UBE3A: variants seen among roughly 807,000 people sequenced by gnomAD.
UBE3A encodes the protein ubiquitin-protein ligase E3A.
In UBE3A, 6 loss-of-function variants were observed where a neutral mutation model predicts 83.4. That is an observed-to-expected ratio of 0.07 (90% CI 0.04 to 0.14). The LOEUF is 0.14. Ranked by LOEUF, UBE3A falls within the 10% of genes least tolerant of loss-of-function variation. UBE3A has a pLI of 1.00. For synonymous variants in UBE3A, 337 were observed against 355.4 expected (o/e 0.95, Z 0.58); for missense variants, 456 against 1,036.1 (o/e 0.44, Z 7.69).
At chr15:25,400,157 C>G (rs957571646) in intron 4 of UBE3A, among the ~76,000 whole-genome samples, 3 of 152,270 alleles carry the variant, frequency 2.0e-5, no homozygotes, top group African/African-American at 7.2e-5. Flanking sequence ...CACAAGATAA[C>G]TTTCCATTAT....
intron 3 of UBE3A, 97 bp from the exon 4 acceptor site, chr15:25,405,599 T>C (rs1333075518): frequency 1.5e-6 from 2 of 1,294,064 alleles, no homozygotes; most frequent in Middle Eastern, 2.1e-4. Context: ...TAAACAAGAT[T>C]TAAGCACTAA....
chr15:25,437,006 C>G (rs913627350), intron 1 of UBE3A, among the ~76,000 whole-genome samples: 1 of 152,120 alleles, frequency 6.6e-6, no homozygotes, highest in Non-Finnish European at 1.5e-5. Flanking sequence ...TCTTCATATT[C>G]TGTTCTTTTA....
In UBE3A at chr15:25,408,752, C is replaced by T. The variant is rs533504024; in HGVS notation, c.20+336G>A. 1.5e-4 allele frequency: 195 copies of T among 1,301,722 alleles called. 1 individual carries two copies. The South Asian group carries it at 1.9e-3, about 13-fold the overall frequency. 80.6% of individuals were successfully genotyped at this position (1,301,722 alleles called of 1,614,324 possible). On this transcript the variant is annotated intron_variant, in intron 3 of 12. Coordinates refer to ENST00000648336, the MANE Select transcript of UBE3A (RefSeq NM_130839.5). ...CTTCTAGAGAAATGTTTAGTTAAAA[C>T]GTTCACCACATAAAAGGCATACTTT...
At chr15:25,366,586 G>T (rs1005513836) in intron 6 of UBE3A, among the ~76,000 whole-genome samples, 60 of 152,202 alleles carry the variant, frequency 3.9e-4, no homozygotes, top group African/African-American at 1.4e-3. Context: ...TTGGTTTTTA[G>T]ATATTTATGT....
intron 4 of UBE3A, 128 bp downstream of exon 4, chr15:25,405,333 A>G (rs1000522980): frequency 2.8e-6 from 3 of 1,077,068 alleles, no homozygotes; most frequent in Non-Finnish European, 4.3e-6. Context: ...GTATGTTCCT[A>G]TCTCCCATTT....
At chr15:25,343,987 G>A (rs2075283957) in intron 11 of UBE3A, among the ~76,000 whole-genome samples, 1 of 152,190 alleles carries the variant, frequency 6.6e-6, no homozygotes, top group Non-Finnish European at 1.5e-5. Flanking sequence ...TAAGAAAAGA[G>A]ATACTGTTGT....
chr15:25,339,977 A>G (rs1460598287), intron 12 of UBE3A, 108 bp downstream of exon 12: 3 of 1,407,514 alleles, frequency 2.1e-6, no homozygotes, highest in Non-Finnish European at 3.0e-6. Context: ...GGGGATTTGT[A>G]TATAAAATCA....
At chr15:25,427,678 C>G (rs986116211) in intron 1 of UBE3A, among the ~76,000 whole-genome samples, 27 of 143,638 alleles carry the variant, frequency 1.9e-4, no homozygotes, top group African/African-American at 7.0e-4. Flanking sequence ...GCAGTCCCAG[C>G]TACTTGGGAG....
chr15:25,383,641 A>G (rs2082585651), intron 4 of UBE3A, among the ~76,000 whole-genome samples: 1 of 152,194 alleles, frequency 6.6e-6, no homozygotes, highest in Non-Finnish European at 1.5e-5. Flanking sequence ...TTCTGTCTCA[A>G]AAAAACAAAA....
At chr15:25,348,775 A>AAAAC (rs2076085308) in intron 11 of UBE3A, among the ~76,000 whole-genome samples, 1 of 152,206 alleles carries the variant, frequency 6.6e-6, no homozygotes, top group African/African-American at 2.4e-5. Context: ...TTCAACATTA[A>AAAAC]AAACTATAAA....
At chr15:25,354,011 A>G in intron 11 of UBE3A, 1 of 344,124 alleles carries the variant, frequency 2.9e-6, no homozygotes, top group South Asian at 3.3e-5. Context: ...TCACAAATGC[A>G]GAGTTCAAAA....
Position 25,375,543 on chromosome 15 carries a change from C to G in UBE3A, c.283G>C (p.Glu95Gln). 1 of 1,614,146 alleles carries G rather than the reference C, an allele frequency of 6.2e-7. No homozygotes were observed. Among genetic ancestry groups the G allele is most frequent in the Non-Finnish European group, 8.5e-7 (1 of 1,180,028 alleles). The change falls in exon 5 of 13, where the codon GAG (glutamate) becomes CAG (glutamine). Residue 95 changes from glutamate to glutamine, a missense_variant. By Grantham distance (29) the Glu-to-Gln change is conservative. Coordinates refer to ENST00000648336, the MANE Select transcript of UBE3A (RefSeq NM_130839.5). ...TTGTTGGGGGCACCTTTCGAGTTCT[C>G]AAGGTAAGCTGAGCTTGCTCCTTTC... ...SKKGASSAYLENSKGAPNNSC... is the reference protein window; with the variant it reads ...SKKGASSAYLQNSKGAPNNSC...
At chr15:25,353,019 T>C (rs2076729166) in intron 11 of UBE3A, among the ~76,000 whole-genome samples, 1 of 152,240 alleles carries the variant, frequency 6.6e-6, no homozygotes, top group Admixed American at 6.5e-5. Context: ...GTTCAACTAT[T>C]CTCAGAGATG....
intron 1 of UBE3A, among the ~76,000 whole-genome samples, chr15:25,427,935 G>C (rs1891878808): frequency 6.6e-6 from 1 of 151,970 alleles, no homozygotes; most frequent in South Asian, 2.1e-4. Flanking sequence ...TAATTTGCAG[G>C]AACACGGATG....
chr15:25,430,056 TGTA>T (rs1255352459), intron 1 of UBE3A, among the ~76,000 whole-genome samples: 14 of 109,264 alleles, frequency 1.3e-4, no homozygotes, highest in African/African-American at 4.2e-4. Flanking sequence ...TATATTTATA[TGTA>T]TTATATATAT....
chr15:25,416,545 T>C (rs1034504675), intron 1 of UBE3A, among the ~76,000 whole-genome samples: 2 of 151,694 alleles, frequency 1.3e-5, no homozygotes, highest in African/African-American at 4.9e-5. Context: ...ACGCAGGAGC[T>C]GCTGCTGTTT....
intron 1 of UBE3A, among the ~76,000 whole-genome samples, chr15:25,425,992 T>C (rs1217362192): frequency 1.3e-5 from 2 of 151,652 alleles, no homozygotes; most frequent in Non-Finnish European, 2.9e-5. Context: ...CTCCTTCTAA[T>C]GTGCACCTTG....
chr15:25,382,245 C>T (rs570190395), intron 4 of UBE3A, among the ~76,000 whole-genome samples: 68 of 151,710 alleles, frequency 4.5e-4, no homozygotes, highest in African/African-American at 1.4e-3. Context: ...GGCATGAACC[C>T]GGGAGGCGGA....
At chr15:25,389,791 C>T (rs1184461044) in intron 4 of UBE3A, among the ~76,000 whole-genome samples, 9 of 151,952 alleles carry the variant, frequency 5.9e-5, no homozygotes, top group South Asian at 4.1e-4. Flanking sequence ...GGGAGGCTGA[C>T]GCAGGAGAAT....
Sources: gnomAD v4.1 joint callset for allele counts (sites outside exome capture counted in the v4.1 genomes callset) on GRCh38, gnomAD v4.1.1 for gene constraint, MANE v1.5 for transcripts, NCBI Gene and HGNC (gene_info 2026-07-23, HGNC 2026-07-21) for gene names.